Variants in SDHB observed in about 807,000 individuals in gnomAD.
SDHB encodes the protein succinate dehydrogenase complex iron sulfur subunit B.
Under a neutral mutation model 39.7 loss-of-function variants are expected in SDHB, and 21 were observed. The ratio of observed to expected loss-of-function variants is 0.53; its 90% CI spans 0.37 to 0.76. The LOEUF is 0.76. SDHB is among the 30% of genes least tolerant of loss of function. SDHB has a pLI of 0.00. For synonymous variants in SDHB, 118 were observed against 117.0 expected (o/e 1.01, Z -0.06); for missense variants, 343 against 350.9 (o/e 0.98, Z 0.18).
chr1:17,043,898 T>C (rs1234964087), intron 2 of SDHB, among the ~76,000 whole-genome samples: 3 of 152,174 alleles, frequency 2.0e-5, no homozygotes, highest in East Asian at 1.9e-4. Flanking sequence ...AAAAATATTT[T>C]CCTCTAGGCT....
chr1:17,024,506 G>A (rs1464460909), intron 5 of SDHB, among the ~76,000 whole-genome samples: 3 of 152,176 alleles, frequency 2.0e-5, no homozygotes, highest in African/African-American at 4.8e-5. Flanking sequence ...TTTTCACTGG[G>A]AACATCAACA....
intron 4 of SDHB, 117 bp from the exon 5 acceptor site, chr1:17,027,982 C>T: frequency 2.8e-6 from 2 of 703,894 alleles, no homozygotes; most frequent in Non-Finnish European, 5.2e-6. Context: ...CTATGCCAGG[C>T]AGAAGCCAGA....
chr1:17,038,179 C>T (rs1474578804), intron 2 of SDHB, among the ~76,000 whole-genome samples: 9 of 152,166 alleles, frequency 5.9e-5, no homozygotes, highest in African/African-American at 1.2e-4. Flanking sequence ...TTCCAAAATG[C>T]TGGGATTATA....
intron 7 of SDHB, among the ~76,000 whole-genome samples, chr1:17,019,371 A>T (rs1033552726): frequency 6.6e-6 from 1 of 152,184 alleles, no homozygotes; most frequent in Non-Finnish European, 1.5e-5. Flanking sequence ...ATCAGCATAT[A>T]CCAGCTCTCA....
rs189808561 is a variant in SDHB at position 17,047,382 on chromosome 1, G to A, written c.73-2494C>T. ...AAGAAACAAAACAAAACAAAAAGAA[G>A]AAAATAATACTGAGACTCCACATAC... On this transcript the variant is annotated intron_variant, in intron 1 of 7. Transcript: ENST00000375499. 1.4e-3 allele frequency among the ~76,000 whole-genome samples: 220 copies of A among 151,836 alleles called. 1 individual carries two copies. In the Middle Eastern group the frequency reaches 0.02, roughly 14 times the overall value.
intron 5 of SDHB, 80 bp from the exon 6 acceptor site, chr1:17,024,154 TG>T: frequency 1.0e-6 from 1 of 994,018 alleles, no homozygotes. Flanking sequence ...ATGTTACCTT[TG>T]GGGTCAGTGC....
At chr1:17,027,912 AT>A in intron 4 of SDHB, 47 bp from the exon 5 acceptor site, 1 of 1,161,502 alleles carries the variant, frequency 8.6e-7, no homozygotes, top group Non-Finnish European at 1.3e-6. Flanking sequence ...AAAGGATCAG[AT>A]TCCATCATCA....
In SDHB at chr1:17,044,887, G is replaced by A; in HGVS notation, c.74C>T (p.Ala25Val). 1.2e-6 allele frequency: 2 copies of A among 1,613,292 alleles called. No individual in the cohort carries two copies. Among genetic ancestry groups the A allele is most frequent in the Non-Finnish European group, 1.7e-6 (2 of 1,179,848 alleles). Residue 25 changes from alanine (A) to valine (V), a missense_variant and splice_region_variant, in exon 2 of 8, where the codon GCC (alanine) becomes GTC (valine). By Grantham distance (64) the Ala-to-Val change is moderately conservative (BLOSUM62 0). Coordinates refer to ENST00000375499, the MANE Select transcript of SDHB (RefSeq NM_003000.3). The stretch of plus-strand genomic sequence containing the variant: ...TGCAGCTGTCTGGGCTCCTCGGGAG[G>A]CCTGAAATTTTTTAAAGTTCACAAA... ...ATTLGGACLQ[A>V]SRGAQTAAAT... is the part of the protein sequence containing the mutation.
intron 2 of SDHB, among the ~76,000 whole-genome samples, chr1:17,034,320 G>A (rs749885875): frequency 6.6e-6 from 1 of 151,678 alleles, no homozygotes; most frequent in Non-Finnish European, 1.5e-5. Context: ...CTTAATTTTT[G>A]TATTTTTTTG....
intron 7 of SDHB, among the ~76,000 whole-genome samples, chr1:17,022,052 T>G (rs1368498942): frequency 6.6e-6 from 1 of 152,108 alleles, no homozygotes; most frequent in Non-Finnish European, 1.5e-5. Context: ...TGAGAAGTGC[T>G]GGGAGGCAGG....
chr1:17,031,588 G>T (rs376185257), intron 3 of SDHB, among the ~76,000 whole-genome samples: 1 of 152,110 alleles, frequency 6.6e-6, no homozygotes, highest in African/African-American at 2.4e-5. Flanking sequence ...GGACTCAGCC[G>T]AACTATCATA....
intron 2 of SDHB, among the ~76,000 whole-genome samples, chr1:17,034,452 C>T (rs2078039479): frequency 6.6e-6 from 1 of 152,014 alleles, no homozygotes; most frequent in Admixed American, 6.6e-5. Context: ...GCGATCTCGG[C>T]TCACTGCAAC....
At chr1:17,029,481 G>A (rs919254205) in intron 3 of SDHB, among the ~76,000 whole-genome samples, 2 of 151,628 alleles carry the variant, frequency 1.3e-5, no homozygotes, top group Admixed American at 6.6e-5. Flanking sequence ...GCCCAGGCTG[G>A]AGTGCAATGC....
intron 3 of SDHB, among the ~76,000 whole-genome samples, chr1:17,029,093 GTTTTTTTTTTTTTTTTT>G (rs746243819): frequency 1.4e-5 from 1 of 72,030 alleles, no homozygotes; most frequent in African/African-American, 5.4e-5. Flanking sequence ...AAATCAGCCT[GTTTTTTTTTTTTTTTTT>G]TTTTTTTTTT....
chr1:17,040,397 T>G (rs1281132945), intron 2 of SDHB, among the ~76,000 whole-genome samples: 1 of 152,188 alleles, frequency 6.6e-6, no homozygotes, highest in Non-Finnish European at 1.5e-5. Context: ...AATAGATATT[T>G]ATTTTGCCTT....
In SDHB at chr1:17,022,724, G is replaced by C. The variant is rs200245469; in HGVS notation, c.649C>G (p.Arg217Gly). Reference sequence around the variant, plus strand: ...TCATCTCTGGAGTCAATCATCCAGCGATAGGCCTGGAAAACCAGGGATGAT... The same window carrying C: ...TCATCTCTGGAGTCAATCATCCAGCCATAGGCCTGGAAAACCAGGGATGAT... ...LGPAVLMQAYRWMIDSRDDFT... is the reference protein window; with the variant it reads ...LGPAVLMQAYGWMIDSRDDFT... Residue 217 changes from arginine (R) to glycine (G), a missense_variant, in exon 7 of 8, where the codon CGC (arginine) becomes GGC (glycine). Coordinates refer to ENST00000375499, the MANE Select transcript of SDHB (RefSeq NM_003000.3). 1 of 1,613,486 alleles carries C rather than the reference G, an allele frequency of 6.2e-7. No homozygotes were observed. The highest frequency in any genetic ancestry group is 8.5e-7 in the Non-Finnish European group (1 of 1,179,568).
intron 2 of SDHB, among the ~76,000 whole-genome samples, chr1:17,039,500 T>C (rs976249039): frequency 1.3e-5 from 2 of 151,278 alleles, no homozygotes; most frequent in Admixed American, 6.6e-5. Flanking sequence ...GGTGGGAGGA[T>C]TGCTTGAGCC....
chr1:17,029,527 G>T (rs2078011840), intron 3 of SDHB, among the ~76,000 whole-genome samples: 1 of 151,932 alleles, frequency 6.6e-6, no homozygotes, highest in Non-Finnish European at 1.5e-5. Flanking sequence ...CGCCTCCCCA[G>T]TTCAAGTGAT....
rs777578399 is a variant in SDHB, at chr1:17,028,719, C to T, written c.304G>A (p.Ala102Thr). 9.3e-6 allele frequency: 15 copies of T among 1,614,116 alleles called. No homozygotes were observed. The South Asian group carries it at 1.3e-4, about 14-fold the overall frequency. The change falls in exon 4 of 8, where the codon GCA becomes ACA. Residue 102 changes from alanine (A) to threonine (T), a missense_variant. By Grantham distance (58) the Ala-to-Thr change is moderately conservative. Coordinates refer to ENST00000375499, the MANE Select transcript of SDHB (RefSeq NM_003000.3). ...GTGTTGCCTCCATTGATGTTCATTG[C>T]ACAAGAGCCACAGATGCCTGAAAGA... is the stretch of plus-strand genomic sequence containing the variant. ...SCREGICGSC[A>T]MNINGGNTLA...
Sources: allele counts gnomAD v4.1 joint callset (sites outside exome capture counted in the v4.1 genomes callset), GRCh38; gene constraint gnomAD v4.1.1; transcripts MANE v1.5; gene names NCBI Gene and HGNC (gene_info 2026-07-23, HGNC 2026-07-21).